The following PJA2 variants were observed in gnomAD, a reference collection of about 807,000 sequenced individuals.
PJA2 encodes E3 ubiquitin-protein ligase Praja-2.
A neutral mutation model predicts 69.3 loss-of-function variants in PJA2; 25 were observed. That is an observed-to-expected ratio of 0.36 (90% CI 0.26 to 0.50). PJA2 has a LOEUF of 0.50. PJA2 is among the 20% of genes least tolerant of loss of function. The probability of loss-of-function intolerance (pLI) is 0.96; values close to 1 mark genes in which losing one functional copy is unlikely to be tolerated. For synonymous variants in PJA2, 308 were observed against 277.8 expected (o/e 1.11, Z -1.08); for missense variants, 809 against 830.2 (o/e 0.97, Z 0.31).
intron 7 of PJA2, among the ~76,000 whole-genome samples, chr5:109,352,969 T>C (rs1431562249): frequency 5.6e-5 from 2 of 35,854 alleles, no homozygotes; most frequent in African/African-American, 1.6e-4. Context: ...TAGACATCTA[T>C]ATATTAGATA....
intron 1 of PJA2, among the ~76,000 whole-genome samples, chr5:109,406,048 T>TA (rs1747684155): frequency 6.7e-6 from 1 of 148,932 alleles, no homozygotes; most frequent in African/African-American, 2.5e-5. Flanking sequence ...CCATTTTTTT[T>TA]TTTTTTTTTT....
chr5:109,367,133 CA>C (rs1163494179), intron 5 of PJA2, among the ~76,000 whole-genome samples: 74 of 131,564 alleles, frequency 5.6e-4, no homozygotes, highest in Admixed American at 9.2e-4. Flanking sequence ...GACTCCGTCT[CA>C]AAAAAAAAAA....
intron 7 of PJA2, among the ~76,000 whole-genome samples, chr5:109,350,037 T>C (rs1026196301): frequency 1.3e-5 from 2 of 152,196 alleles, no homozygotes; most frequent in African/African-American, 4.8e-5. Flanking sequence ...ATGTTATTTA[T>C]AGTAACTTTC....
intron 1 of PJA2, among the ~76,000 whole-genome samples, chr5:109,396,423 T>A (rs1582627925): frequency 2.3e-4 from 4 of 17,242 alleles, no homozygotes; most frequent in East Asian, 5.5e-4. Context: ...TGTAAAGTTC[T>A]TTTTTTTTTT....
intron 1 of PJA2, among the ~76,000 whole-genome samples, chr5:109,402,718 T>C (rs963263119): frequency 6.6e-6 from 1 of 152,164 alleles, no homozygotes; most frequent in Admixed American, 6.5e-5. Flanking sequence ...TATTTTGAAG[T>C]GTACATGGGA....
chr5:109,401,328 C>A (rs2127018368), intron 1 of PJA2, among the ~76,000 whole-genome samples: 1 of 152,174 alleles, frequency 6.6e-6, no homozygotes, highest in South Asian at 2.1e-4. Flanking sequence ...GGCACAGTGG[C>A]TCAGGCCTGC....
chr5:109,383,561 C>G, intron 1 of PJA2, 41 bp from the exon 2 acceptor site: 1 of 718,666 alleles, frequency 1.4e-6, no homozygotes, highest in Non-Finnish European at 2.3e-6. Context: ...TTAATAAAAG[C>G]ACAAAAATAG....
intron 7 of PJA2, among the ~76,000 whole-genome samples, chr5:109,345,500 C>G (rs1411033780): frequency 8.8e-6 from 1 of 113,830 alleles, no homozygotes; most frequent in Non-Finnish European, 1.7e-5. Context: ...GGTGACAGAG[C>G]GAGACTCTGT....
rs1339088906 is a variant in PJA2 at position 109,378,355 on chromosome 5, G to A, written c.1132C>T (p.Pro378Ser). Residue 378 changes from proline to serine, a missense_variant, in exon 4 of 10, where the codon CCA becomes TCA. Physicochemically the swap from Pro to Ser is moderately conservative, Grantham distance 74. This residue lies in a region of PJA2 where 700 missense variants were observed against 639.5 expected (regional missense o/e 1.09). Transcript: ENST00000361189. ...DGEHDCMFLD[P>S]PYSRVITQRE... is the part of the protein sequence containing the mutation. Reference sequence around the variant, plus strand: ...TGTGTAATAACTCTTGAGTATGGTGGATCCAAGAACATACAGTCATGCTCT... The same window carrying A: ...TGTGTAATAACTCTTGAGTATGGTGAATCCAAGAACATACAGTCATGCTCT... 1 of 1,614,086 alleles carries A rather than the reference G, an allele frequency of 6.2e-7. No individual in the cohort carries two copies. The highest frequency in any genetic ancestry group is 8.5e-7 in the Non-Finnish European group (1 of 1,180,006).
At chr5:109,403,494 A>G (rs943206349) in intron 1 of PJA2, among the ~76,000 whole-genome samples, 3 of 152,036 alleles carry the variant, frequency 2.0e-5, no homozygotes, top group Middle Eastern at 3.2e-3. Context: ...AAAATATAAG[A>G]AACACTTTGC....
intron 9 of PJA2, among the ~76,000 whole-genome samples, chr5:109,342,386 GC>G (rs1762085858): frequency 8.6e-6 from 1 of 116,720 alleles, no homozygotes; most frequent in Admixed American, 8.6e-5. Context: ...GGGGGGGTCG[GC>G]CCCCTGCCCG....
chr5:109,406,160 C>T (rs1431967772), intron 1 of PJA2, among the ~76,000 whole-genome samples: 1 of 151,284 alleles, frequency 6.6e-6, no homozygotes, highest in Non-Finnish European at 1.5e-5. Context: ...TATCCTAACT[C>T]AGCCGGAGTA....
Position 109,352,997 on chromosome 5 carries a change from CTATA to C in PJA2, c.1764+2914_1764+2917del, listed in dbSNP as rs1294902910. Among the ~76,000 whole-genome samples, 6 of 131,228 alleles carry C rather than the reference CTATA, an allele frequency of 4.6e-5. No individual in the cohort carries two copies. In the East Asian group the frequency reaches 1.0e-3, roughly 23 times the overall value. 86.1% of individuals were successfully genotyped at this position (131,228 alleles called of 152,430 possible). On this transcript the variant is annotated intron_variant, in intron 7 of 9. Transcript: ENST00000361189. Reference sequence around the variant, plus strand: ...ATTAGATACCTATATCTATAGATATCTATATATTAGATACCTATATCTATAGATA... The same window carrying C: ...ATTAGATACCTATATCTATAGATATCTATTAGATACCTATATCTATAGATA...
At chr5:109,355,826 T>C in intron 7 of PJA2, 89 bp downstream of exon 7, 1 of 859,880 alleles carries the variant, frequency 1.2e-6, no homozygotes, top group Non-Finnish European at 1.8e-6. Context: ...AGATTCACCT[T>C]TTCTTAAGAG....
intron 6 of PJA2, among the ~76,000 whole-genome samples, chr5:109,360,824 T>G (rs1218920303): frequency 6.6e-6 from 1 of 152,122 alleles, no homozygotes; most frequent in African/African-American, 2.4e-5. Flanking sequence ...TTTCTCAAAT[T>G]TAAGTTCAAA....
chr5:109,369,601 T>C (rs1428589809), intron 4 of PJA2, among the ~76,000 whole-genome samples: 3 of 152,236 alleles, frequency 2.0e-5, no homozygotes, highest in Non-Finnish European at 2.9e-5. Context: ...ATTTCTACTA[T>C]TACCATGTAA....
chr5:109,381,592 C>G lies in PJA2; in HGVS notation c.143G>C (p.Cys48Ser). 3.1e-6 allele frequency: 5 copies of G among 1,614,124 alleles called. No homozygotes were observed. The highest frequency in any genetic ancestry group is 4.2e-6 in the Non-Finnish European group (5 of 1,180,028). Reference sequence around the variant, plus strand: ...TAAGCTTCTTTCATGTCTGGTCATACATGGTTTAAAACTGACATAAGCATG... The same window carrying G: ...TAAGCTTCTTTCATGTCTGGTCATAGATGGTTTAAAACTGACATAAGCATG... ...RRHAYVSFKP[C>S]MTRHERSLGR... Residue 48 changes from cysteine to serine, a missense_variant, in exon 3 of 10, where the codon TGT (cysteine) becomes TCT (serine). Physicochemically the swap from Cys to Ser is moderately radical, Grantham distance 112. Transcript: ENST00000361189.
intron 5 of PJA2, 116 bp downstream of exon 5, chr5:109,368,445 C>A (rs906482535): frequency 3.8e-6 from 3 of 795,772 alleles, no homozygotes; most frequent in Non-Finnish European, 5.8e-6. Flanking sequence ...ATCAGGGGGG[C>A]CTACTGGTTC....
intron 6 of PJA2, among the ~76,000 whole-genome samples, chr5:109,357,274 T>C (rs1282940709): frequency 3.3e-5 from 5 of 149,374 alleles, no homozygotes. Flanking sequence ...TTGAATATCA[T>C]AGTCCTAAAC....
Sources: allele counts gnomAD v4.1 joint callset (sites outside exome capture counted in the v4.1 genomes callset), GRCh38; gene constraint gnomAD v4.1.1; regional missense constraint gnomAD v4.1.1; transcripts MANE v1.5; gene names NCBI Gene and HGNC (gene_info 2026-07-23, HGNC 2026-07-21).